SNX13: variants seen among roughly 807,000 people sequenced by gnomAD.
SNX13 encodes sorting nexin-13.
A neutral mutation model predicts 133.6 loss-of-function variants in SNX13; 45 were observed. The observed-to-expected ratio is 0.34, with a 90% CI of 0.27 to 0.43. SNX13 has a LOEUF of 0.43. Among genes scored for constraint, SNX13 ranks in the 20% least tolerant of loss-of-function variants. SNX13 has a pLI of 1.00. For synonymous variants in SNX13, 414 were observed against 373.9 expected (o/e 1.11, Z -1.24); for missense variants, 1,032 against 1,145.1 (o/e 0.90, Z 1.43).
chr7:17,801,117 T>C (rs549821337), intron 22 of SNX13, among the ~76,000 whole-genome samples: 16 of 115,316 alleles, frequency 1.4e-4, no homozygotes, highest in African/African-American at 2.9e-4. Flanking sequence ...TGTACAGACA[T>C]GTACGAATGT....
chr7:17,853,096 A>C (rs942558336), intron 9 of SNX13, among the ~76,000 whole-genome samples: 2 of 152,186 alleles, frequency 1.3e-5, no homozygotes, highest in Non-Finnish European at 2.9e-5. Flanking sequence ...AAATTTAATG[A>C]TTGCAAGGCA....
intron 1 of SNX13, among the ~76,000 whole-genome samples, chr7:17,935,327 A>T (rs1801896232): frequency 6.6e-6 from 1 of 152,196 alleles, no homozygotes; most frequent in African/African-American, 2.4e-5. Flanking sequence ...AAACTCACAG[A>T]AGTAGACAGC....
chr7:17,820,517 A>G (rs1186418878), intron 18 of SNX13, among the ~76,000 whole-genome samples: 1 of 152,148 alleles, frequency 6.6e-6, no homozygotes, highest in African/African-American at 2.4e-5. Context: ...TTTTCTTATT[A>G]ATATAACACA....
chr7:17,861,342 T>TCACACA (rs59119505), intron 9 of SNX13, among the ~76,000 whole-genome samples: 67 of 143,242 alleles, frequency 4.7e-4, no homozygotes, highest in African/African-American at 1.4e-3. Context: ...TACAGTTATC[T>TCACACA]CACACACACA....
chr7:17,915,415 A>C (rs1799439295), intron 1 of SNX13, among the ~76,000 whole-genome samples: 1 of 152,194 alleles, frequency 6.6e-6, no homozygotes, highest in Non-Finnish European at 1.5e-5. Context: ...GGATAAACCT[A>C]AGTTACACCC....
chr7:17,857,022 CA>C (rs932886355), intron 9 of SNX13, among the ~76,000 whole-genome samples: 48 of 150,060 alleles, frequency 3.2e-4, no homozygotes, highest in Admixed American at 2.7e-4. Flanking sequence ...AAAGAGGCAC[CA>C]AAAAAAATAC....
At chr7:17,884,505 C>G (rs182581723) in intron 5 of SNX13, among the ~76,000 whole-genome samples, 40 of 152,254 alleles carry the variant, frequency 2.6e-4, no homozygotes, top group African/African-American at 9.4e-4. Context: ...TTTGTATAGG[C>G]AGCCACTATC....
At chr7:17,904,435 G>C (rs1178525896) in intron 1 of SNX13, among the ~76,000 whole-genome samples, 1 of 151,914 alleles carries the variant, frequency 6.6e-6, no homozygotes, top group African/African-American at 2.4e-5. Flanking sequence ...TTTAGGCCTA[G>C]GTTATCAGTG....
At chr7:17,870,550 A>T (rs1793966159) in intron 8 of SNX13, among the ~76,000 whole-genome samples, 1 of 152,230 alleles carries the variant, frequency 6.6e-6, no homozygotes, top group South Asian at 2.1e-4. Flanking sequence ...ACTTATTTTA[A>T]ATAACTTCCT....
intron 24 of SNX13, among the ~76,000 whole-genome samples, chr7:17,798,406 G>C (rs1562646033): frequency 1.3e-5 from 2 of 151,792 alleles, no homozygotes; most frequent in East Asian, 3.9e-4. Flanking sequence ...ATCATTTTTA[G>C]GTGAATATTT....
chr7:17,903,614 T>C (rs1798085958), intron 1 of SNX13, among the ~76,000 whole-genome samples: 1 of 152,174 alleles, frequency 6.6e-6, no homozygotes, highest in East Asian at 1.9e-4. Flanking sequence ...TTAATCACTA[T>C]TATTATGCAA....
At chr7:17,814,965 A>AAG (rs1215615685) in intron 19 of SNX13, 21 bp from the exon 20 acceptor site, 1 of 1,399,142 alleles carries the variant, frequency 7.1e-7, no homozygotes, top group Non-Finnish European at 9.2e-7. Context: ...AAAAAAAAAA[A>AAG]AGAAGAGATT....
At chr7:17,805,265 GCATGCATGCA>G (rs1562663887) in intron 20 of SNX13, among the ~76,000 whole-genome samples, 1 of 146,004 alleles carries the variant, frequency 6.8e-6, no homozygotes, top group Non-Finnish European at 1.5e-5. Flanking sequence ...GCGCGCGCGC[GCATGCATGCA>G]CATGTGTAAT....
At chr7:17,896,618 T>C (rs537663746) in intron 2 of SNX13, among the ~76,000 whole-genome samples, 36 of 152,244 alleles carry the variant, frequency 2.4e-4, no homozygotes, top group Middle Eastern at 3.4e-3. Flanking sequence ...CATAAATACG[T>C]CATATTATAA....
chr7:17,824,793 C>T (rs879427086), intron 17 of SNX13, among the ~76,000 whole-genome samples: 7 of 147,264 alleles, frequency 4.8e-5, no homozygotes, highest in East Asian at 2.0e-4. Context: ...TTTTTTGAGA[C>T]GGAGTCTCGC....
At chr7:17,796,780 G>A in intron 25 of SNX13, 47 bp downstream of exon 25, 2 of 1,405,936 alleles carry the variant, frequency 1.4e-6, no homozygotes, top group South Asian at 1.2e-5. Flanking sequence ...TAAAAACTCA[G>A]AAGAATGACA....
rs1278140664 is a variant in SNX13, at chr7:17,890,227, G to C, written c.440+136C>G. ...TTAAGAGCTCTAGTTGTAAAATCTT[G>C]GAGTTATCCCACAGTAATAATCTGC... On this transcript the variant is annotated intron_variant, in intron 5 of 25. Coordinates refer to ENST00000428135, the MANE Select transcript of SNX13 (RefSeq NM_015132.5). The C allele has an allele frequency of 3.7e-5, 27 of 725,098 alleles. No individual in the cohort carries two copies. The East Asian group carries it at 8.4e-4, about 23-fold the overall frequency. 44.9% of individuals were successfully genotyped at this position (725,098 alleles called of 1,614,324 possible).
intron 12 of SNX13, among the ~76,000 whole-genome samples, chr7:17,842,911 T>C (rs756175656): frequency 7.2e-5 from 11 of 151,938 alleles, no homozygotes; most frequent in South Asian, 2.1e-4. Flanking sequence ...ATCCCCATAG[T>C]AACCACAAAG....
chr7:17,851,737 G>T (rs974019326), intron 9 of SNX13, among the ~76,000 whole-genome samples: 4 of 151,800 alleles, frequency 2.6e-5, no homozygotes, highest in Non-Finnish European at 5.9e-5. Context: ...GCGGGGAGTC[G>T]GGGAGGCAAA....
Sources: gnomAD v4.1 joint callset for allele counts (sites outside exome capture counted in the v4.1 genomes callset) on GRCh38, gnomAD v4.1.1 for gene constraint, MANE v1.5 for transcripts, NCBI Gene and HGNC (gene_info 2026-07-23, HGNC 2026-07-21) for gene names.